Variants in AP5M1 observed in about 807,000 individuals in gnomAD.
The protein encoded by AP5M1 is adaptor related protein complex 5 subunit mu 1.
Under a neutral mutation model 52.3 loss-of-function variants are expected in AP5M1, and 44 were observed. The ratio of observed to expected loss-of-function variants is 0.84; its 90% CI spans 0.66 to 1.08. The LOEUF (loss-of-function observed/expected upper bound fraction) is 1.08, where lower values mean the gene tolerates loss of function less well. AP5M1 is among the 50% of genes least tolerant of loss of function. The probability of loss-of-function intolerance (pLI) is 0.00; values close to 1 mark genes in which losing one functional copy is unlikely to be tolerated. For missense variants in AP5M1, 526 were observed against 568.4 expected (o/e 0.93, Z 0.76); for synonymous variants, 213 against 199.0 (o/e 1.07, Z -0.59).
rs761713625 is a variant in AP5M1, at chr14:57,274,636, T to G, written c.467T>G (p.Leu156Trp). The change falls in exon 2 of 8, where the codon TTG (leucine) becomes TGG (tryptophan). Residue 156 changes from leucine to tryptophan, a missense_variant. By Grantham distance (61) the Leu-to-Trp change is moderately conservative. Coordinates refer to ENST00000261558, the MANE Select transcript of AP5M1 (RefSeq NM_018229.4). ...AATGACTCTGAGCTGAATACAAAAT[T>G]GAGCCAGTTGCCTGACTTGCTTCTG... ...QKNDSELNTKLSQLPDLLLQA... is the reference protein window; with the variant it reads ...QKNDSELNTKWSQLPDLLLQA... The G allele has an allele frequency of 5.6e-6, 9 of 1,614,216 alleles. No homozygotes were observed. In the South Asian group the frequency reaches 9.9e-5, roughly 18 times the overall value.
chr14:57,283,269 C>A, intron 6 of AP5M1, 39 bp downstream of exon 6: 1 of 1,165,182 alleles, frequency 8.6e-7, no homozygotes, highest in Non-Finnish European at 1.2e-6. Flanking sequence ...TAGCACCCTT[C>A]CTTTGTTTAT....
intron 2 of AP5M1, among the ~76,000 whole-genome samples, chr14:57,275,851 G>A (rs1040916693): frequency 4.6e-5 from 7 of 152,154 alleles, no homozygotes; most frequent in African/African-American, 1.7e-4. Flanking sequence ...GTTGAATAAT[G>A]ATCAAAAATA....
intron 2 of AP5M1, among the ~76,000 whole-genome samples, chr14:57,277,332 A>G (rs1471574372): frequency 1.3e-5 from 2 of 152,126 alleles, no homozygotes; most frequent in Admixed American, 6.6e-5. Context: ...CCCTTTACGA[A>G]TGTTAAGAGA....
chr14:57,283,237 A>G lies in AP5M1; in HGVS notation c.1293+7A>G. ...AGAAACAGCATATTTAAAGGTAAACATATTTATACAGCTCACTACAGTAGC... is the reference window on the plus strand; with the variant it reads ...AGAAACAGCATATTTAAAGGTAAACGTATTTATACAGCTCACTACAGTAGC... On this transcript the variant is annotated splice_region_variant and intron_variant, in intron 6 of 7. Transcript: ENST00000261558. The G allele has an allele frequency of 6.6e-7, 1 of 1,519,140 alleles. No individual in the cohort carries two copies. The highest frequency in any genetic ancestry group is 9.1e-7 in the Non-Finnish European group (1 of 1,097,690). 94.1% of individuals were successfully genotyped at this position (1,519,140 alleles called of 1,614,324 possible). A position where few individuals can be genotyped will look rare whatever the true frequency, so the allele number is the denominator to read the frequency against.
In AP5M1 at chr14:57,297,097, GT is replaced by G. The variant is rs1365448157; in HGVS notation, c.*8214del. 1 of 152,008 alleles carries G rather than the reference GT, an allele frequency of 6.6e-6. No homozygotes were observed. The highest frequency in any genetic ancestry group is 1.5e-5 in the Non-Finnish European group (1 of 67,992). The allele number at this position is 152,008 out of a possible 1,614,324, so 9.4% of individuals were successfully genotyped here. A position where few individuals can be genotyped will look rare whatever the true frequency, so the allele number is the denominator to read the frequency against. ...ATAGCAGAAGGAAATAAAGATTATAGTAAGTATATTCATGAGAGAGAATTTT... is the reference window on the plus strand; with the variant it reads ...ATAGCAGAAGGAAATAAAGATTATAGAAGTATATTCATGAGAGAGAATTTT... On this transcript the variant is annotated 3_prime_UTR_variant, in exon 8 of 8. Coordinates refer to ENST00000261558, the MANE Select transcript of AP5M1 (RefSeq NM_018229.4).
In AP5M1 at chr14:57,283,235, A is replaced by G. The variant is rs766058109; in HGVS notation, c.1293+5A>G. The G allele has an allele frequency of 1.3e-6, 2 of 1,517,070 alleles. No individual in the cohort carries two copies. The highest frequency in any genetic ancestry group is 2.3e-5 in the South Asian group (2 of 87,154). The allele number at this position is 1,517,070 out of a possible 1,614,324, so 94.0% of individuals were successfully genotyped here. On this transcript the variant is annotated splice_donor_5th_base_variant and intron_variant, in intron 6 of 7. Transcript: ENST00000261558. ...GGAGAAACAGCATATTTAAAGGTAA[A>G]CATATTTATACAGCTCACTACAGTA... is the stretch of plus-strand genomic sequence containing the variant.
intron 7 of AP5M1, among the ~76,000 whole-genome samples, chr14:57,288,062 G>A (rs76931793): frequency 6.5e-4 from 99 of 152,000 alleles, no homozygotes; most frequent in African/African-American, 2.3e-3. Context: ...TTGTTACTGC[G>A]TTCTCAAACT....
rs568507752 is a variant in AP5M1, at chr14:57,289,042, T to C, written c.*158T>C. ...TGTGGTGTTTGTAGTCTGATAGAGC[T>C]TGAAAGGACATTTTAAAAGCTAATG... is the stretch of plus-strand genomic sequence containing the variant. On this transcript the variant is annotated 3_prime_UTR_variant, in exon 8 of 8. Coordinates refer to ENST00000261558, the MANE Select transcript of AP5M1 (RefSeq NM_018229.4). 168 of 449,476 alleles carry C rather than the reference T, an allele frequency of 3.7e-4. No individual in the cohort carries two copies. Among genetic ancestry groups the C allele is most frequent in the African/African-American group, 3.1e-3 (148 of 48,076 alleles). 27.8% of individuals were successfully genotyped at this position (449,476 alleles called of 1,614,324 possible).
chr14:57,290,265 G>T lies in AP5M1; in HGVS notation c.*1381G>T, dbSNP rs1449041764. On this transcript the variant is annotated 3_prime_UTR_variant, in exon 8 of 8. Transcript: ENST00000261558. ...CTGCAAAGCATTATCATGGCATAAG[G>T]TTCTATGTTCAAAATTATCCCAAGT... The T allele has an allele frequency of 6.6e-6, 1 of 151,914 alleles. No homozygotes were observed. The highest frequency in any genetic ancestry group is 6.6e-5 in the Admixed American group (1 of 15,214). The allele number at this position is 151,914 out of a possible 1,614,324, so 9.4% of individuals were successfully genotyped here.
Position 57,298,152 on chromosome 14 carries a change from GT to G in AP5M1, c.*9269del, listed in dbSNP as rs1291325409. ...CCGAAACTCACTCTACAACAGCTTTGTGGGCTCCCTACTATTTACTAGAGTC... is the reference window on the plus strand; with the variant it reads ...CCGAAACTCACTCTACAACAGCTTTGGGGCTCCCTACTATTTACTAGAGTC... On this transcript the variant is annotated 3_prime_UTR_variant, in exon 8 of 8. Transcript: ENST00000261558. The G allele has an allele frequency of 6.6e-6, 1 of 152,088 alleles. No homozygotes were observed. The highest frequency in any genetic ancestry group is 1.5e-5 in the Non-Finnish European group (1 of 68,026). The allele number at this position is 152,088 out of a possible 1,614,324, so 9.4% of individuals were successfully genotyped here. A position where few individuals can be genotyped will look rare whatever the true frequency, so the allele number is the denominator to read the frequency against.
At chr14:57,284,608 A>T (rs1296916791) in intron 6 of AP5M1, among the ~76,000 whole-genome samples, 1 of 152,214 alleles carries the variant, frequency 6.6e-6, no homozygotes, top group Non-Finnish European at 1.5e-5. Flanking sequence ...CTGCTGTAAA[A>T]GCTGTGATAA....
At chr14:57,285,793 A>G (rs570175861) in intron 6 of AP5M1, among the ~76,000 whole-genome samples, 105 of 152,222 alleles carry the variant, frequency 6.9e-4, no homozygotes, top group Non-Finnish European at 1.3e-3. Context: ...GATAGAAGAG[A>G]ATATAGGGCA....
Position 57,282,349 on chromosome 14 carries a change from AAATG to A in AP5M1, c.1088+126_1088+129del. On this transcript the variant is annotated intron_variant, in intron 4 of 7. Coordinates refer to ENST00000261558, the MANE Select transcript of AP5M1 (RefSeq NM_018229.4). Reference sequence around the variant, plus strand: ...AGGTCTGAACAATTTTATTTTATTTAAATGAATGCTGATTTTCATGATATAGTCA... The same window carrying A: ...AGGTCTGAACAATTTTATTTTATTTAAATGCTGATTTTCATGATATAGTCA... 3 of 676,256 alleles carry A rather than the reference AAATG, an allele frequency of 4.4e-6. No individual in the cohort carries two copies. In the South Asian group the frequency reaches 9.8e-5, roughly 22 times the overall value. The allele number at this position is 676,256 out of a possible 1,614,324, so 41.9% of individuals were successfully genotyped here.
At chr14:57,286,004 C>A (rs541690685) in intron 6 of AP5M1, among the ~76,000 whole-genome samples, 2 of 151,942 alleles carry the variant, frequency 1.3e-5, no homozygotes, top group South Asian at 4.2e-4. Flanking sequence ...TAATGACAGC[C>A]TTACAAAAAA....
chr14:57,285,570 A>G (rs1271258018), intron 6 of AP5M1, among the ~76,000 whole-genome samples: 1 of 152,222 alleles, frequency 6.6e-6, no homozygotes, highest in Non-Finnish European at 1.5e-5. Flanking sequence ...AGATCTGAAA[A>G]TTACATTACA....
rs573792505 is a variant in AP5M1 at position 57,296,875 on chromosome 14, T to A, written c.*7991T>A. On this transcript the variant is annotated 3_prime_UTR_variant, in exon 8 of 8. Coordinates refer to ENST00000261558, the MANE Select transcript of AP5M1 (RefSeq NM_018229.4). ...AAAGACAAAAAACAGTTCCATATTT[T>A]GAACGATATATTCTACCTCCTGCAG... 2.6e-5 allele frequency: 4 copies of A among 152,202 alleles called. No homozygotes were observed. The highest frequency in any genetic ancestry group is 2.6e-4 in the Admixed American group (4 of 15,266). 9.4% of individuals were successfully genotyped at this position (152,202 alleles called of 1,614,324 possible).
chr14:57,286,795 T>C lies in AP5M1; in HGVS notation c.1390+476T>C, dbSNP rs146155253. ...TATATTGACTTAGTATGATGCTTAG[T>C]GTATAGTATAGATTTAGTAGATACT... On this transcript the variant is annotated intron_variant, in intron 7 of 7. Coordinates refer to ENST00000261558, the MANE Select transcript of AP5M1 (RefSeq NM_018229.4). Among the ~76,000 whole-genome samples the C allele has an allele frequency of 2.1e-3, 321 of 152,256 alleles. 2 individuals are homozygous for C. Among genetic ancestry groups the C allele is most frequent in the African/African-American group, 7.3e-3 (301 of 41,516 alleles).
intron 3 of AP5M1, among the ~76,000 whole-genome samples, chr14:57,281,447 G>A (rs1470150967): frequency 6.6e-6 from 1 of 152,206 alleles, no homozygotes; most frequent in Non-Finnish European, 1.5e-5. Flanking sequence ...GATAAGAAAA[G>A]AAGCAGACAC....
At chr14:57,277,432 A>C (rs1350186892) in intron 2 of AP5M1, among the ~76,000 whole-genome samples, 1 of 152,214 alleles carries the variant, frequency 6.6e-6, no homozygotes, top group Non-Finnish European at 1.5e-5. Flanking sequence ...AATATCTATC[A>C]AAAGCAAAAC....
Sources: allele counts gnomAD v4.1 joint callset (sites outside exome capture counted in the v4.1 genomes callset), GRCh38; gene constraint gnomAD v4.1.1; transcripts MANE v1.5; gene names NCBI Gene and HGNC (gene_info 2026-07-23, HGNC 2026-07-21).